The following FOXJ3 variants were observed in gnomAD, a reference collection of about 807,000 sequenced individuals.
The protein encoded by FOXJ3 is forkhead box J3.
A neutral mutation model predicts 76.1 loss-of-function variants in FOXJ3; 22 were observed. That is an observed-to-expected ratio of 0.29 (90% CI 0.21 to 0.41). The LOEUF (loss-of-function observed/expected upper bound fraction) is 0.41, where lower values mean the gene tolerates loss of function less well. FOXJ3 is among the 10% of genes least tolerant of loss of function. FOXJ3 has a pLI of 1.00. For missense variants in FOXJ3, 613 were observed against 762.1 expected (o/e 0.80, Z 2.30); for synonymous variants, 269 against 261.2 (o/e 1.03, Z -0.29).
chr1:42,282,006 C>T (rs1652752615), intron 2 of FOXJ3, among the ~76,000 whole-genome samples: 1 of 151,616 alleles, frequency 6.6e-6, no homozygotes, highest in Non-Finnish European at 1.5e-5. Flanking sequence ...TTGCAGTGAG[C>T]CGAGGTTGCA....
intron 6 of FOXJ3, among the ~76,000 whole-genome samples, chr1:42,205,035 A>C (rs1304274795): frequency 1.3e-5 from 2 of 152,188 alleles, no homozygotes; most frequent in Non-Finnish European, 2.9e-5. Context: ...AATGAAAACA[A>C]GACTGAAAGA....
At chr1:42,207,498 G>C (rs758123201) in intron 5 of FOXJ3, among the ~76,000 whole-genome samples, 1 of 152,072 alleles carries the variant, frequency 6.6e-6, no homozygotes, top group Non-Finnish European at 1.5e-5. Context: ...GCTTTATTGA[G>C]CCTTCAAAAG....
In FOXJ3 at chr1:42,265,141, G is replaced by T; in HGVS notation, c.418C>A (p.Pro140Thr). Reference sequence around the variant, plus strand: ...TTTCCAGGGTCATCCTTAGATCGAGGCACTTTAAGGAAACATTTGTTCAAT... The same window carrying T: ...TTTCCAGGGTCATCCTTAGATCGAGTCACTTTAAGGAAACATTTGTTCAAT... ...LSLNKCFLKV[P>T]RSKDDPGKGS... Residue 140 changes from proline (P) to threonine (T), a missense_variant, in exon 4 of 13, where the codon CCT (proline) becomes ACT (threonine). Transcript: ENST00000361346. The T allele has an allele frequency of 1.3e-6, 2 of 1,599,016 alleles. No individual in the cohort carries two copies. The highest frequency in any genetic ancestry group is 1.7e-6 in the Non-Finnish European group (2 of 1,167,966).
chr1:42,237,427 T>TATATATAC (rs1166082659), intron 4 of FOXJ3, among the ~76,000 whole-genome samples: 58 of 129,918 alleles, frequency 4.5e-4, no homozygotes, highest in African/African-American at 1.4e-3. Context: ...TATATATATA[T>TATATATAC]ACATACATAC....
chr1:42,270,498 G>A (rs1301626352), intron 3 of FOXJ3, among the ~76,000 whole-genome samples: 8 of 152,058 alleles, frequency 5.3e-5, no homozygotes, highest in African/African-American at 1.7e-4. Flanking sequence ...ACTGAGATAC[G>A]AAAGCCAAGA....
chr1:42,211,911 G>T (rs944365796), intron 5 of FOXJ3, among the ~76,000 whole-genome samples: 1 of 152,002 alleles, frequency 6.6e-6, no homozygotes, highest in Non-Finnish European at 1.5e-5. Flanking sequence ...GAGGGCCAGG[G>T]GAAGCTAAGA....
At chr1:42,259,933 C>T (rs905691246) in intron 4 of FOXJ3, among the ~76,000 whole-genome samples, 2 of 152,300 alleles carry the variant, frequency 1.3e-5, no homozygotes, top group African/African-American at 2.4e-5. Context: ...TCAGAAGTGA[C>T]AAACTCTAAA....
intron 4 of FOXJ3, among the ~76,000 whole-genome samples, chr1:42,238,533 G>C (rs941341237): frequency 1.1e-4 from 16 of 151,954 alleles, no homozygotes; most frequent in Admixed American, 3.3e-4. Context: ...GGACCAGCAC[G>C]CCAATTTCTA....
chr1:42,277,179 C>T (rs1390068072), intron 3 of FOXJ3, among the ~76,000 whole-genome samples: 1 of 152,086 alleles, frequency 6.6e-6, no homozygotes, highest in African/African-American at 2.4e-5. Flanking sequence ...CACAGTGTCT[C>T]ACACCTGTAA....
intron 1 of FOXJ3, among the ~76,000 whole-genome samples, chr1:42,322,788 G>A (rs1041199386): frequency 2.0e-5 from 3 of 152,170 alleles, no homozygotes; most frequent in Non-Finnish European, 4.4e-5. Context: ...AACTGAATAT[G>A]AGCCAAGAGA....
At chr1:42,275,490 C>T (rs1652193037) in intron 3 of FOXJ3, among the ~76,000 whole-genome samples, 1 of 151,970 alleles carries the variant, frequency 6.6e-6, no homozygotes, top group African/African-American at 2.4e-5. Context: ...GAGGCCAAGA[C>T]CAGTCCAGGC....
chr1:42,326,207 C>CGCCACTGCACCCCAGCCTGGGAGA (rs1553170929), intron 1 of FOXJ3, among the ~76,000 whole-genome samples: 1 of 152,102 alleles, frequency 6.6e-6, no homozygotes, highest in Non-Finnish European at 1.5e-5. Context: ...GCAGAGATCA[C>CGCCACTGCACCCCAGCCTGGGAGA]GCCACTGCAC....
chr1:42,306,468 A>G (rs1654481370), intron 2 of FOXJ3, among the ~76,000 whole-genome samples: 2 of 151,630 alleles, frequency 1.3e-5, no homozygotes, highest in Non-Finnish European at 2.9e-5. Flanking sequence ...ACACCTGGCT[A>G]ATTTTTTATA....
intron 4 of FOXJ3, among the ~76,000 whole-genome samples, chr1:42,261,159 G>A (rs1651000103): frequency 1.3e-5 from 2 of 150,552 alleles, no homozygotes; most frequent in South Asian, 4.2e-4. Context: ...AGATAATTAA[G>A]ACACATGTAT....
intron 4 of FOXJ3, among the ~76,000 whole-genome samples, chr1:42,253,585 A>G (rs1215054134): frequency 1.3e-5 from 2 of 151,208 alleles, no homozygotes; most frequent in Admixed American, 6.6e-5. Context: ...TACAGTAACC[A>G]AAACAGCATG....
chr1:42,310,534 G>A (rs1654743799), intron 2 of FOXJ3, among the ~76,000 whole-genome samples: 2 of 150,082 alleles, frequency 1.3e-5, no homozygotes, highest in African/African-American at 4.9e-5. Flanking sequence ...TGCAACCTCC[G>A]CCTACCAGGT....
In FOXJ3 at chr1:42,280,444, A is replaced by T. The variant is rs1434825510; in HGVS notation, c.45-1772T>A. 10 of 948,402 alleles carry T rather than the reference A, an allele frequency of 1.1e-5. No homozygotes were observed. In the African/African-American group the frequency reaches 1.3e-4, roughly 12 times the overall value. 58.7% of individuals were successfully genotyped at this position (948,402 alleles called of 1,614,324 possible). ...ATAGCATCTTCAGAGATCTTAAAAA[A>T]AAAAAAAAAAAAAAAAAAAAAACTT... On this transcript the variant is annotated intron_variant, in intron 2 of 12. Transcript: ENST00000361346.
In FOXJ3 at chr1:42,178,326, C is replaced by T. The variant is rs1316731298; in HGVS notation, c.*1384G>A. 1 of 152,152 alleles carries T rather than the reference C, an allele frequency of 6.6e-6. No homozygotes were observed. Among genetic ancestry groups the T allele is most frequent in the African/African-American group, 2.4e-5 (1 of 41,426 alleles). 9.4% of individuals were successfully genotyped at this position (152,152 alleles called of 1,614,324 possible). On this transcript the variant is annotated 3_prime_UTR_variant, in exon 13 of 13. Coordinates refer to ENST00000361346, the MANE Select transcript of FOXJ3 (RefSeq NM_014947.5). ...TAGAAACCCTGCCCTGCTGTTGTTG[C>T]CCAAATGAAATCTGATTCAAATTCC...
intron 1 of FOXJ3, among the ~76,000 whole-genome samples, chr1:42,319,612 T>C (rs754028471): frequency 3.3e-5 from 5 of 152,218 alleles, no homozygotes; most frequent in Non-Finnish European, 7.3e-5. Flanking sequence ...ATCCTGTGAA[T>C]ATACTAAAAA....
Sources: gnomAD v4.1 joint callset for allele counts (sites outside exome capture counted in the v4.1 genomes callset) on GRCh38, gnomAD v4.1.1 for gene constraint, MANE v1.5 for transcripts, NCBI Gene and HGNC (gene_info 2026-07-23, HGNC 2026-07-21) for gene names.